IP6K3: variants seen among roughly 807,000 people sequenced by gnomAD.
IP6K3 encodes inositol hexakisphosphate kinase 3.
IP6K3 carries 20 observed loss-of-function variants against 28.8 expected under a neutral mutation model. The ratio of observed to expected loss-of-function variants is 0.70; its 90% confidence interval spans 0.49 to 1.01. The LOEUF is 1.01. Ranked by LOEUF, IP6K3 falls within the 50% of genes least tolerant of loss-of-function variation. The pLI is 0.00. For missense variants in IP6K3, 480 were observed against 537.1 expected (o/e 0.89, Z 1.05); for synonymous variants, 213 against 221.3 (o/e 0.96, Z 0.33).
chr6:33,724,245 T>G (rs1408510248), intron 5 of IP6K3, among the ~76,000 whole-genome samples: 1 of 152,172 alleles, frequency 6.6e-6, no homozygotes, highest in East Asian at 1.9e-4. Context: ...TTTCAGAAGA[T>G]TTGAGGTCCA....
At position 33,723,085 on chromosome 6, in the gene IP6K3, T is replaced by C. The variant is rs1765972281; in HGVS notation, c.868A>G (p.Asn290Asp). ...AGCTCCCTCCGGAGGTGGCTTCCAT[T>C]ATGTAGGAACTGATAGAGGGCTTGT... ...FRQALYQFLH[N>D]GSHLRRELLE... The change falls in exon 6 of 6, where the codon AAT (asparagine) becomes GAT (aspartate). Residue 290 changes from asparagine to aspartate, a missense_variant. Transcript: ENST00000293756. The C allele has an allele frequency of 6.2e-7, 1 of 1,614,200 alleles. No homozygotes were observed. Among genetic ancestry groups the C allele is most frequent in the Non-Finnish European group, 8.5e-7 (1 of 1,180,024 alleles).
chr6:33,759,000 A>G, the IP6K3 span, among the ~76,000 whole-genome samples: 1 of 152,256 alleles, frequency 6.6e-6, no homozygotes, highest in African/African-American at 2.4e-5. Flanking sequence ...TGGGATGCTG[A>G]GTTAATAAAA....
Position 33,742,521 on chromosome 6 carries a change from G to A in IP6K3, c.-180+4237C>T, listed in dbSNP as rs1766763966. 6.6e-6 allele frequency among the ~76,000 whole-genome samples: 1 copy of A among 152,102 alleles called. No individual in the cohort carries two copies. Among genetic ancestry groups the A allele is most frequent in the African/African-American group, 2.4e-5 (1 of 41,418 alleles). Reference sequence around the variant, plus strand: ...GTGCTTGGCAGCGTGGATTCTTAGGGCCCTGGGTGAGGGCTCCCACCCGGG... The same window carrying A: ...GTGCTTGGCAGCGTGGATTCTTAGGACCCTGGGTGAGGGCTCCCACCCGGG... On this transcript the variant is annotated intron_variant, in intron 1 of 5. Coordinates refer to ENST00000293756, the MANE Select transcript of IP6K3 (RefSeq NM_054111.5). The surrounding 1 kb of genome is among the most constrained non-coding windows in gnomAD (Gnocchi z 4.5).
At chr6:33,725,242 A>T (rs1045305070) in intron 5 of IP6K3, among the ~76,000 whole-genome samples, 199 bp downstream of exon 5, 3 of 151,958 alleles carry the variant, frequency 2.0e-5, no homozygotes, top group Non-Finnish European at 2.9e-5. Flanking sequence ...AAAAAAAAAA[A>T]AAAATAGAAA....
chr6:33,725,119 C>T (rs1766047815), intron 5 of IP6K3, among the ~76,000 whole-genome samples: 2 of 151,442 alleles, frequency 1.3e-5, no homozygotes, highest in Admixed American at 1.3e-4. Flanking sequence ...GTCCCAGCTA[C>T]TCGGGAGGCT....
At chr6:33,739,687 C>A (rs574789632) in intron 1 of IP6K3, among the ~76,000 whole-genome samples, 1 of 152,370 alleles carries the variant, frequency 6.6e-6, no homozygotes, top group Non-Finnish European at 1.5e-5. Flanking sequence ...TTGGCAGGAC[C>A]TTTCTCAGCC....
At chr6:33,735,007 G>A (rs947611888) in intron 2 of IP6K3, among the ~76,000 whole-genome samples, 1 of 152,194 alleles carries the variant, frequency 6.6e-6, no homozygotes, top group Non-Finnish European at 1.5e-5. Context: ...GACTGGGTGG[G>A]ACCAGGGTGT....
chr6:33,749,942 C>T (rs1766998096), upstream of IP6K3, among the ~76,000 whole-genome samples: 1 of 152,076 alleles, frequency 6.6e-6, no homozygotes, highest in African/African-American at 2.4e-5. Context: ...TAGATGCCAC[C>T]ATTCGGAGGA....
chr6:33,758,666 C>T, the IP6K3 span, among the ~76,000 whole-genome samples: 1 of 152,314 alleles, frequency 6.6e-6, no homozygotes, highest in Non-Finnish European at 1.5e-5. Flanking sequence ...GTGGCGCGAA[C>T]TTGGCTAACT....
At chr6:33,750,393 C>G (rs1767006783), upstream of IP6K3, among the ~76,000 whole-genome samples, 1 of 152,232 alleles carries the variant, frequency 6.6e-6, no homozygotes, top group African/African-American at 2.4e-5. The surrounding 1 kb of genome is among the most constrained non-coding windows in gnomAD (Gnocchi z 4.3). Flanking sequence ...CTCCTCAGCC[C>G]CACCTCACAC....
At chr6:33,750,749 C>T (rs1033895454), upstream of IP6K3, among the ~76,000 whole-genome samples, 1 of 152,214 alleles carries the variant, frequency 6.6e-6, no homozygotes, top group African/African-American at 2.4e-5. The surrounding 1 kb of genome is among the most constrained non-coding windows in gnomAD (Gnocchi z 4.3). Context: ...CTCTGGCTTG[C>T]ACAACAGCGG....
chr6:33,750,174 G>A (rs7752152), upstream of IP6K3, among the ~76,000 whole-genome samples: 6,245 of 152,194 alleles, frequency 0.041, 390 homozygotes, highest in African/African-American at 0.13. The surrounding 1 kb of genome is among the most constrained non-coding windows in gnomAD (Gnocchi z 4.3). Context: ...CTATGGCCCT[G>A]GCCTGGCCCA....
At chr6:33,752,640 G>A in the IP6K3 span, among the ~76,000 whole-genome samples, 13 of 152,350 alleles carry the variant, frequency 8.5e-5, 1 homozygote, top group South Asian at 8.3e-4. Flanking sequence ...GGGGTTGCAG[G>A]GTGGCTAGTG....
In IP6K3 at chr6:33,735,436, GC is replaced by G. The variant is rs1766487351; in HGVS notation, c.40del (p.Ala14GlnfsTer16). The G allele has an allele frequency of 6.2e-6, 10 of 1,610,942 alleles. No individual in the cohort carries two copies. Among genetic ancestry groups the G allele is most frequent in the Non-Finnish European group, 8.5e-6 (10 of 1,179,302 alleles). On this transcript the variant is annotated frameshift_variant, in exon 2 of 6. Coordinates refer to ENST00000293756, the MANE Select transcript of IP6K3 (RefSeq NM_054111.5). LOFTEE classifies it high-confidence loss of function. The part of the protein sequence containing the change: ...QNSADAGDMR[A>X]GVQLEPFLHQ... ...CAGGAAGGGCTCCAGCTGCACGCCTGCCCTCATGTCCCCGGCGTCTGCGCTG... is the reference window on the plus strand; with the variant it reads ...CAGGAAGGGCTCCAGCTGCACGCCTGCCTCATGTCCCCGGCGTCTGCGCTG...
intron 5 of IP6K3, among the ~76,000 whole-genome samples, chr6:33,724,699 A>G (rs759543425): frequency 6.6e-6 from 1 of 152,228 alleles, no homozygotes; most frequent in Non-Finnish European, 1.5e-5. Context: ...GCCATACAGC[A>G]TCTAAGAAGG....
intron 5 of IP6K3, among the ~76,000 whole-genome samples, chr6:33,724,578 G>A (rs1035457198): frequency 3.9e-5 from 6 of 152,204 alleles, no homozygotes; most frequent in Admixed American, 3.3e-4. Context: ...TCCTTTGCAG[G>A]GTTAGCAGGT....
At chr6:33,743,356 T>C (rs1766795672) in intron 1 of IP6K3, among the ~76,000 whole-genome samples, 1 of 152,252 alleles carries the variant, frequency 6.6e-6, no homozygotes, top group Non-Finnish European at 1.5e-5. Context: ...AGCTCTAACT[T>C]ACATTTCACA....
At chr6:33,737,288 C>T (rs1766560441) in intron 1 of IP6K3, among the ~76,000 whole-genome samples, 1 of 152,122 alleles carries the variant, frequency 6.6e-6, no homozygotes, top group African/African-American at 2.4e-5. Context: ...CTGCCCTGTT[C>T]GTCCTGTCCT....
At position 33,725,085 on chromosome 6, in the gene IP6K3, C is replaced by T. The variant is rs1411067179; in HGVS notation, c.765+356G>A. Reference sequence around the variant, plus strand: ...TCTACTGAAAACACAAAAAATTAGCCAGGCGTGGGGGTGGGCACCTGTAGT... The same window carrying T: ...TCTACTGAAAACACAAAAAATTAGCTAGGCGTGGGGGTGGGCACCTGTAGT... On this transcript the variant is annotated intron_variant, in intron 5 of 5. Transcript: ENST00000293756. 2.2e-4 allele frequency among the ~76,000 whole-genome samples: 33 copies of T among 151,978 alleles called. 1 individual carries two copies. Among genetic ancestry groups the T allele is most frequent in the Admixed American group, 5.9e-4 (9 of 15,260 alleles).
Sources: allele counts gnomAD v4.1 joint callset (sites outside exome capture counted in the v4.1 genomes callset), GRCh38; gene constraint gnomAD v4.1.1; non-coding constraint Gnocchi (gnomAD v3.1); transcripts MANE v1.5; gene names NCBI Gene and HGNC (gene_info 2026-07-23, HGNC 2026-07-21).